Variants in COL27A1 observed in about 807,000 individuals in gnomAD.
COL27A1 encodes the protein collagen alpha-1(XXVII) chain.
In COL27A1, 106 loss-of-function variants were observed where a neutral mutation model predicts 251.3. That is an observed-to-expected ratio of 0.42 (90% CI 0.36 to 0.50). The LOEUF is 0.50. Ranked by LOEUF, COL27A1 falls within the 20% of genes least tolerant of loss-of-function variation. COL27A1 has a pLI of 0.00. For synonymous variants in COL27A1, 1,000 were observed against 986.3 expected (o/e 1.01, Z -0.26); for missense variants, 2,325 against 2,522.8 (o/e 0.92, Z 1.68).
At chr9:114,247,756 A>G (rs1010139606) in intron 24 of COL27A1, among the ~76,000 whole-genome samples, 2 of 152,182 alleles carry the variant, frequency 1.3e-5, no homozygotes, top group African/African-American at 4.8e-5. Flanking sequence ...CCCCCACCCC[A>G]TGTGGTCACA....
intron 7 of COL27A1, among the ~76,000 whole-genome samples, chr9:114,200,129 C>T (rs1402300441): frequency 6.6e-6 from 1 of 152,182 alleles, no homozygotes; most frequent in African/African-American, 2.4e-5. Flanking sequence ...CTGCCTGAGA[C>T]AATTTCCCAC....
intron 4 of COL27A1, among the ~76,000 whole-genome samples, chr9:114,180,810 C>T (rs1827844861): frequency 6.6e-6 from 1 of 152,158 alleles, no homozygotes; most frequent in African/African-American, 2.4e-5. Context: ...CCTCGTTTCT[C>T]TGCAATACTG....
At chr9:114,221,396 C>T (rs1038005974) in intron 13 of COL27A1, among the ~76,000 whole-genome samples, 2 of 152,130 alleles carry the variant, frequency 1.3e-5, no homozygotes, top group African/African-American at 2.4e-5. Context: ...CCTTGGCGAG[C>T]GGCAGGGATG....
rs924903740 is a variant in COL27A1 at position 114,181,720 on chromosome 9, T to A, written c.1963-1302T>A. 2.8e-4 allele frequency among the ~76,000 whole-genome samples: 43 copies of A among 152,288 alleles called. 1 individual carries two copies. The highest frequency in any genetic ancestry group is 8.9e-4 in the African/African-American group (37 of 41,560). On this transcript the variant is annotated intron_variant, in intron 4 of 60. Transcript: ENST00000356083. The stretch of plus-strand genomic sequence containing the variant: ...GGGCCCTTGCTGGAGAAAGTGGACA[T>A]AACAGGACCCAGCTGTTATCGGGGA...
chr9:114,279,390 G>A (rs1270352926), intron 37 of COL27A1, among the ~76,000 whole-genome samples: 3 of 152,218 alleles, frequency 2.0e-5, no homozygotes, highest in Admixed American at 1.3e-4. Context: ...CGTGGTGAGG[G>A]TTGTAGGGAT....
rs71367759 is a variant in COL27A1 at position 114,303,242 on chromosome 9, CT to C, written c.4872+1148del. On this transcript the variant is annotated intron_variant, in intron 56 of 60. Coordinates refer to ENST00000356083, the MANE Select transcript of COL27A1 (RefSeq NM_032888.4). ...CTTTGCTTTTCTTTTTTTTTCTTTTCTTTTTTTTTTTTTTGAGACACAGTCT... is the reference window on the plus strand; with the variant it reads ...CTTTGCTTTTCTTTTTTTTTCTTTTCTTTTTTTTTTTTTGAGACACAGTCT... Among the ~76,000 whole-genome samples, 90 of 132,184 alleles carry C rather than the reference CT, an allele frequency of 6.8e-4. 1 individual carries two copies. The highest frequency in any genetic ancestry group is 8.8e-4 in the African/African-American group (32 of 36,470). The allele number at this position is 132,184 out of a possible 152,430, so 86.7% of individuals were successfully genotyped here.
rs758174752 is a variant in COL27A1, at chr9:114,284,741, G to A, written c.3951G>A (p.Val1317=). 18 of 1,614,070 alleles carry A rather than the reference G, an allele frequency of 1.1e-5. No homozygotes were observed. Among genetic ancestry groups the A allele is most frequent in the Middle Eastern group, 1.6e-4 (1 of 6,082 alleles). ...GCCTGCAGGGACACAAAGGCATTGT[G>A]GGACCCCTTGGACCTCCTGGACCAA... ...LAGYDGHKGI[V]GPLGPPGPKG... Residue 1317 remains valine, a synonymous_variant, in exon 41 of 61, where the codon GTG becomes GTA. Coordinates refer to ENST00000356083, the MANE Select transcript of COL27A1 (RefSeq NM_032888.4).
rs981848480 is a variant in COL27A1 at position 114,194,597 on chromosome 9, A to G, written c.2070+140A>G. ...TGGGAACATCTGGAAGGGTTAGGGT[A>G]TGGTTTGGTTTTTTCCTTGAAGTCC... On this transcript the variant is annotated intron_variant, in intron 6 of 60. Transcript: ENST00000356083. The G allele has an allele frequency of 5.2e-6, 4 of 770,120 alleles. No individual in the cohort carries two copies. The East Asian group carries it at 7.9e-5, about 15-fold the overall frequency. 47.7% of individuals were successfully genotyped at this position (770,120 alleles called of 1,614,324 possible). A position where few individuals can be genotyped will look rare whatever the true frequency, so the allele number is the denominator to read the frequency against.
chr9:114,174,237 G>A (rs1233643578), intron 3 of COL27A1, among the ~76,000 whole-genome samples: 2 of 152,088 alleles, frequency 1.3e-5, no homozygotes, highest in Admixed American at 6.6e-5. Flanking sequence ...ACTCACTGGG[G>A]AGAGTTAAAG....
chr9:114,209,526 C>T (rs1830201761), intron 10 of COL27A1, 149 bp from the exon 11 acceptor site: 1 of 799,080 alleles, frequency 1.3e-6, no homozygotes, highest in African/African-American at 1.7e-5. Flanking sequence ...AGGCCTATGT[C>T]ATCGAGGAGC....
At chr9:114,238,316 G>A (rs945498152) in intron 19 of COL27A1, among the ~76,000 whole-genome samples, 1 of 152,210 alleles carries the variant, frequency 6.6e-6, no homozygotes, top group Non-Finnish European at 1.5e-5. Flanking sequence ...GTAATGTTGC[G>A]AAGCAAGCTG....
At chr9:114,157,106 A>ACACACGCGCG (rs142812937) in intron 1 of COL27A1, among the ~76,000 whole-genome samples, 14 of 147,946 alleles carry the variant, frequency 9.5e-5, no homozygotes, top group South Asian at 8.7e-4. Context: ...ACACACACAT[A>ACACACGCGCG]CGCGCGCGCG....
At chr9:114,283,407 G>A (rs563318776) in intron 39 of COL27A1, among the ~76,000 whole-genome samples, 1 of 152,286 alleles carries the variant, frequency 6.6e-6, no homozygotes, top group Admixed American at 6.5e-5. Context: ...TTAACTGTAA[G>A]TCCATAAAAT....
At chr9:114,179,063 C>G (rs567375698) in intron 4 of COL27A1, among the ~76,000 whole-genome samples, 134 of 152,288 alleles carry the variant, frequency 8.8e-4, no homozygotes, top group Middle Eastern at 3.4e-3. Flanking sequence ...GGAAACCTAC[C>G]TGCTTCCCTT....
chr9:114,256,716 C>G (rs1185801500), intron 27 of COL27A1, among the ~76,000 whole-genome samples: 1 of 152,162 alleles, frequency 6.6e-6, no homozygotes, highest in African/African-American at 2.4e-5. Flanking sequence ...CTTCTATCCC[C>G]ATGTTATAGA....
At chr9:114,156,815 C>T (rs1013327686) in intron 1 of COL27A1, among the ~76,000 whole-genome samples, 1 of 152,068 alleles carries the variant, frequency 6.6e-6, no homozygotes, top group African/African-American at 2.4e-5. Flanking sequence ...GAGAGTGAGC[C>T]TGTGCTGGAG....
intron 19 of COL27A1, among the ~76,000 whole-genome samples, chr9:114,239,102 G>A (rs573498110): frequency 9.3e-5 from 14 of 150,420 alleles, no homozygotes; most frequent in East Asian, 3.9e-4. Context: ...TGATAAGCGC[G>A]GAAGCTGATA....
intron 5 of COL27A1, among the ~76,000 whole-genome samples, 164 bp from the exon 6 acceptor site, chr9:114,194,240 C>A (rs1313247340): frequency 6.6e-6 from 1 of 152,002 alleles, no homozygotes; most frequent in East Asian, 1.9e-4. Context: ...GGTGTTAGAG[C>A]AGGGGAGTAG....
chr9:114,243,163 T>C (rs1057423975), intron 22 of COL27A1, among the ~76,000 whole-genome samples: 26 of 152,224 alleles, frequency 1.7e-4, no homozygotes, highest in African/African-American at 6.0e-4. Flanking sequence ...CAGGCCACAC[T>C]TTGAGGACCA....
Sources: gnomAD v4.1 joint callset for allele counts (sites outside exome capture counted in the v4.1 genomes callset) on GRCh38, gnomAD v4.1.1 for gene constraint, MANE v1.5 for transcripts, NCBI Gene and HGNC (gene_info 2026-07-23, HGNC 2026-07-21) for gene names.